FBXL20: variants seen among roughly 807,000 people sequenced by gnomAD.
FBXL20 encodes the protein F-box and leucine rich repeat protein 20.
In FBXL20, 11 loss-of-function variants were observed where a neutral mutation model predicts 64.0. The ratio of observed to expected loss-of-function variants is 0.17; its 90% confidence interval spans 0.11 to 0.28. FBXL20 has a LOEUF of 0.28. Among genes scored for constraint, FBXL20 ranks in the 10% least tolerant of loss-of-function variants. The probability of loss-of-function intolerance (pLI) is 1.00; values close to 1 mark genes in which losing one functional copy is unlikely to be tolerated. For missense variants in FBXL20, 303 were observed against 526.2 expected, an observed-to-expected ratio of 0.58 and a Z score of 4.15; for synonymous variants, 184 against 189.0, an observed-to-expected ratio of 0.97 and a Z score of 0.22.
chr17:39,402,405 G>A (rs1339053612), upstream of FBXL20: 16 of 403,404 alleles, frequency 4.0e-5, 1 homozygote, highest in Non-Finnish European at 6.9e-5. Flanking sequence ...GGGAGGGCGA[G>A]GGTGGTTGCG....
At chr17:39,364,421 C>A (rs570786929) in intron 1 of FBXL20, among the ~76,000 whole-genome samples, 2 of 152,026 alleles carry the variant, frequency 1.3e-5, no homozygotes, top group African/African-American at 4.8e-5. Context: ...GAGACCTGGG[C>A]AACATGGCAA....
At position 39,257,004 on chromosome 17, in the gene FBXL20, TGA is replaced by T. The variant is rs2046702189; in HGVS notation, c.*4454_*4455del. ...TTTTCTTTCTTTCTTTCTTTTTTTTTGAGATAGTCTCACTCTGTCGCCCAGGG... is the reference window on the plus strand; with the variant it reads ...TTTTCTTTCTTTCTTTCTTTTTTTTTGATAGTCTCACTCTGTCGCCCAGGG... On this transcript the variant is annotated 3_prime_UTR_variant, in exon 15 of 15. Transcript: ENST00000264658. 1 of 152,188 alleles carries T rather than the reference TGA, an allele frequency of 6.6e-6. No individual in the cohort carries two copies. 9.4% of individuals were successfully genotyped at this position (152,188 alleles called of 1,614,324 possible).
chr17:39,273,823 A>AT, intron 10 of FBXL20, among the ~76,000 whole-genome samples: 1 of 150,206 alleles, frequency 6.7e-6, no homozygotes, highest in Non-Finnish European at 1.5e-5. Context: ...CTGTTTCAGA[A>AT]AAAAAAAAAA....
At chr17:39,345,437 C>T (rs1257454923) in intron 1 of FBXL20, among the ~76,000 whole-genome samples, 1 of 152,096 alleles carries the variant, frequency 6.6e-6, no homozygotes, top group Non-Finnish European at 1.5e-5. Flanking sequence ...CATGAAGATC[C>T]TGGTATCTCA....
chr17:39,375,252 A>G (rs1041605638), intron 1 of FBXL20, among the ~76,000 whole-genome samples: 1 of 151,406 alleles, frequency 6.6e-6, no homozygotes, highest in African/African-American at 2.5e-5. Flanking sequence ...CTATGAACTG[A>G]GAAATACATT....
At chr17:39,266,797 C>T (rs1001173028) in intron 12 of FBXL20, among the ~76,000 whole-genome samples, 1 of 152,234 alleles carries the variant, frequency 6.6e-6, no homozygotes, top group Non-Finnish European at 1.5e-5. Context: ...CTAGTCATCT[C>T]TAGTCTTCAT....
intron 2 of FBXL20, among the ~76,000 whole-genome samples, chr17:39,315,660 A>G (rs1460498731): frequency 6.6e-6 from 1 of 151,880 alleles, no homozygotes; most frequent in Middle Eastern, 3.2e-3. Context: ...CCTTGGGTAG[A>G]GTGTCAAAGT....
intron 2 of FBXL20, among the ~76,000 whole-genome samples, chr17:39,305,653 C>T (rs2144464613): frequency 6.6e-6 from 1 of 152,236 alleles, no homozygotes; most frequent in Admixed American, 6.5e-5. Flanking sequence ...AGTTTGAGAA[C>T]AGCCTGGAAA....
chr17:39,394,485 G>C (rs2048164190), intron 1 of FBXL20, among the ~76,000 whole-genome samples: 1 of 151,488 alleles, frequency 6.6e-6, no homozygotes, highest in East Asian at 1.9e-4. Flanking sequence ...CACCGTGTTA[G>C]CCAGGATGGT....
At position 39,261,565 on chromosome 17, in the gene FBXL20, G is replaced by A. The variant is rs763084830; in HGVS notation, c.1206C>T (p.Thr402=). 26 of 1,605,936 alleles carry A rather than the reference G, an allele frequency of 1.6e-5. 1 individual carries two copies. Among genetic ancestry groups the A allele is most frequent in the South Asian group, 1.4e-4 (13 of 90,708 alleles). ...CGTGGACTTTAATATTGGGTAAATG[G>A]GTCTGAAACAAGACAGAAACATTAA... ...ITRAGIKRLR[T]HLPNIKVHAY... is the part of the protein sequence containing the mutation. The change falls in exon 15 of 15, where the codon ACC becomes ACT. Residue 402 remains threonine, a splice_region_variant and synonymous_variant. Coordinates refer to ENST00000264658, the MANE Select transcript of FBXL20 (RefSeq NM_032875.3).
chr17:39,300,750 A>C (rs1411829788), intron 4 of FBXL20, among the ~76,000 whole-genome samples: 1 of 152,194 alleles, frequency 6.6e-6, no homozygotes, highest in African/African-American at 2.4e-5. Context: ...TTTTAGTCCT[A>C]TTTCAAGACC....
chr17:39,310,954 C>A (rs954556877), intron 2 of FBXL20, among the ~76,000 whole-genome samples: 1 of 151,948 alleles, frequency 6.6e-6, no homozygotes, highest in Non-Finnish European at 1.5e-5. Flanking sequence ...CCACTGCACT[C>A]CAGCCTAGGC....
intron 1 of FBXL20, among the ~76,000 whole-genome samples, chr17:39,345,395 G>T (rs1307753999): frequency 4.6e-5 from 7 of 152,094 alleles, no homozygotes; most frequent in African/African-American, 9.7e-5. Flanking sequence ...GGGAAAAAAA[G>T]ATAACAATAT....
At chr17:39,368,967 T>A (rs144499715) in intron 1 of FBXL20, among the ~76,000 whole-genome samples, 1 of 152,258 alleles carries the variant, frequency 6.6e-6, no homozygotes, top group African/African-American at 2.4e-5. Context: ...ATTTTTTTAA[T>A]CTTCTAAAAA....
chr17:39,387,007 C>T (rs1011462732), intron 1 of FBXL20, among the ~76,000 whole-genome samples: 1 of 152,134 alleles, frequency 6.6e-6, no homozygotes, highest in African/African-American at 2.4e-5. Flanking sequence ...ACAGGTGTTC[C>T]CTGACTTACG....
chr17:39,309,068 A>C (rs1428556931), intron 2 of FBXL20, among the ~76,000 whole-genome samples: 1 of 152,142 alleles, frequency 6.6e-6, no homozygotes, highest in Admixed American at 6.6e-5. Context: ...GTTCCAGCAA[A>C]GCCATTTTTT....
At chr17:39,267,957 G>A (rs1408130182) in intron 12 of FBXL20, among the ~76,000 whole-genome samples, 3 of 152,200 alleles carry the variant, frequency 2.0e-5, no homozygotes, top group African/African-American at 7.2e-5. Flanking sequence ...TACAGTTACT[G>A]ACATATCTCG....
intron 4 of FBXL20, 93 bp downstream of exon 4, chr17:39,300,908 T>G (rs2047128372): frequency 8.2e-7 from 1 of 1,212,262 alleles, no homozygotes; most frequent in Admixed American, 2.3e-5. Flanking sequence ...GTTCCTCTCT[T>G]TAACGAAAAT....
chr17:39,396,071 GA>G (rs71300072), intron 1 of FBXL20, among the ~76,000 whole-genome samples: 12,726 of 108,862 alleles, frequency 0.12, 718 homozygotes, highest in South Asian at 0.2. Flanking sequence ...AAGACTTTTC[GA>G]AAAAAAAAAA....
Sources: allele counts gnomAD v4.1 joint callset (sites outside exome capture counted in the v4.1 genomes callset), GRCh38; gene constraint gnomAD v4.1.1; transcripts MANE v1.5; gene names NCBI Gene and HGNC (gene_info 2026-07-23, HGNC 2026-07-21).